The following ADAMTS19 variants were observed in gnomAD, a reference collection of about 807,000 sequenced individuals.
The protein encoded by ADAMTS19 is A disintegrin and metalloproteinase with thrombospondin motifs 19.
Under a neutral mutation model 153.3 loss-of-function variants are expected in ADAMTS19, and 93 were observed. That is an observed-to-expected ratio of 0.61 (90% confidence interval 0.51 to 0.72). ADAMTS19 has a LOEUF of 0.72. Ranked by LOEUF, ADAMTS19 falls within the 30% of genes least tolerant of loss-of-function variation. The pLI is 0.00. For synonymous variants in ADAMTS19, 600 were observed against 556.6 expected (o/e 1.08, Z -1.10); for missense variants, 1,482 against 1,552.1 (o/e 0.95, Z 0.76).
chr5:129,653,165 C>T (rs1305240049), intron 13 of ADAMTS19, among the ~76,000 whole-genome samples: 1 of 152,138 alleles, frequency 6.6e-6, no homozygotes, highest in Non-Finnish European at 1.5e-5. Context: ...TTTATAGAAT[C>T]CCATCAGCAT....
chr5:129,679,198 A>T (rs796433327), intron 16 of ADAMTS19, among the ~76,000 whole-genome samples: 1 of 152,200 alleles, frequency 6.6e-6, no homozygotes, highest in Non-Finnish European at 1.5e-5. Flanking sequence ...TCTTGTTCAC[A>T]GCAAATCACA....
intron 21 of ADAMTS19, among the ~76,000 whole-genome samples, chr5:129,714,152 G>A (rs1197759197): frequency 6.6e-6 from 1 of 152,120 alleles, no homozygotes; most frequent in Non-Finnish European, 1.5e-5. Context: ...GGGCGCGGTG[G>A]CTCACGCCTG....
chr5:129,646,569 ACT>A (rs1270514938), intron 11 of ADAMTS19, among the ~76,000 whole-genome samples: 2 of 152,124 alleles, frequency 1.3e-5, no homozygotes, highest in African/African-American at 2.4e-5. Flanking sequence ...GATACTTATA[ACT>A]CTATTATTAT....
intron 2 of ADAMTS19, among the ~76,000 whole-genome samples, chr5:129,503,062 T>G (rs141191362): frequency 2.6e-3 from 390 of 152,326 alleles, no homozygotes; most frequent in African/African-American, 9.1e-3. Flanking sequence ...TATGCCAAGA[T>G]GTAATCATGC....
At chr5:129,673,678 T>C (rs1754413509) in intron 16 of ADAMTS19, among the ~76,000 whole-genome samples, 1 of 152,204 alleles carries the variant, frequency 6.6e-6, no homozygotes, top group South Asian at 2.1e-4. Flanking sequence ...ATATTCTTAC[T>C]GATACTCATC....
At chr5:129,579,504 GC>G (rs1749398789) in intron 7 of ADAMTS19, among the ~76,000 whole-genome samples, 1 of 152,096 alleles carries the variant, frequency 6.6e-6, no homozygotes, top group Non-Finnish European at 1.5e-5. Flanking sequence ...TAGTCATGAA[GC>G]CTTTGCCCAT....
chr5:129,538,948 C>T (rs1214602813), intron 6 of ADAMTS19, among the ~76,000 whole-genome samples: 4 of 152,130 alleles, frequency 2.6e-5, no homozygotes, highest in Non-Finnish European at 2.9e-5. Flanking sequence ...CTTTTACCAA[C>T]TTCTACTCTG....
intron 16 of ADAMTS19, among the ~76,000 whole-genome samples, chr5:129,674,189 C>T (rs1161606270): frequency 6.6e-6 from 1 of 151,828 alleles, no homozygotes; most frequent in Non-Finnish European, 1.5e-5. Context: ...TGAGATCACA[C>T]TATTGCACTC....
intron 7 of ADAMTS19, among the ~76,000 whole-genome samples, chr5:129,582,675 C>CCT (rs1554095752): frequency 2.8e-4 from 42 of 152,038 alleles, no homozygotes; most frequent in Non-Finnish European, 4.9e-4. Flanking sequence ...CAGGTTCATG[C>CCT]CATTCTCCTG....
chr5:129,678,698 AATTT>A (rs1046088622), intron 16 of ADAMTS19, among the ~76,000 whole-genome samples: 2 of 152,150 alleles, frequency 1.3e-5, no homozygotes, highest in Non-Finnish European at 2.9e-5. Context: ...TTAAATGTTC[AATTT>A]ATTTATTATT....
chr5:129,647,360 G>A (rs898513708), intron 11 of ADAMTS19, among the ~76,000 whole-genome samples: 1 of 152,078 alleles, frequency 6.6e-6, no homozygotes, highest in Non-Finnish European at 1.5e-5. Flanking sequence ...TTTGACGTAG[G>A]ACATTTATTT....
intron 18 of ADAMTS19, 122 bp downstream of exon 18, chr5:129,684,395 T>C (rs1276996108): frequency 3.9e-6 from 5 of 1,295,930 alleles, no homozygotes; most frequent in Middle Eastern, 2.6e-4. Flanking sequence ...GAGTTAGAAA[T>C]GGAAAGTTTT....
At chr5:129,694,281 T>A (rs1004680960) in intron 18 of ADAMTS19, among the ~76,000 whole-genome samples, 9 of 152,166 alleles carry the variant, frequency 5.9e-5, no homozygotes, top group African/African-American at 2.2e-4. Context: ...GTTCTAAAAT[T>A]TGTTTAAAAT....
intron 11 of ADAMTS19, among the ~76,000 whole-genome samples, chr5:129,647,342 A>G (rs890026848): frequency 1.3e-5 from 2 of 152,126 alleles, no homozygotes; most frequent in African/African-American, 4.8e-5. Context: ...TTTGCTAAAA[A>G]TGTCTGCTTT....
In ADAMTS19 at chr5:129,681,203, C is replaced by G. The variant is rs115329301; in HGVS notation, c.2664+1282C>G. Reference sequence around the variant, plus strand: ...ACTACTTTAGTGTGCCTGCAGATTACCTGGGGTTCTTACTAAAATGCATAG... The same window carrying G: ...ACTACTTTAGTGTGCCTGCAGATTAGCTGGGGTTCTTACTAAAATGCATAG... On this transcript the variant is annotated intron_variant, in intron 17 of 22. Transcript: ENST00000274487. 4.1e-3 allele frequency among the ~76,000 whole-genome samples: 630 copies of G among 152,234 alleles called. 5 individuals are homozygous for G. The highest frequency in any genetic ancestry group is 0.015 in the African/African-American group (607 of 41,530).
intron 21 of ADAMTS19, among the ~76,000 whole-genome samples, chr5:129,719,181 G>A (rs1756865422): frequency 6.6e-6 from 1 of 151,888 alleles, no homozygotes; most frequent in African/African-American, 2.4e-5. Context: ...TTTTACTGTT[G>A]TGTTTTCTGC....
intron 10 of ADAMTS19, among the ~76,000 whole-genome samples, chr5:129,625,060 T>G (rs748023137): frequency 6.6e-6 from 1 of 151,884 alleles, no homozygotes; most frequent in Non-Finnish European, 1.5e-5. Context: ...ATTGTTCAAT[T>G]TCGACCTATG....
At chr5:129,613,744 G>GT (rs1751355259) in intron 8 of ADAMTS19, among the ~76,000 whole-genome samples, 1 of 152,144 alleles carries the variant, frequency 6.6e-6, no homozygotes, top group African/African-American at 2.4e-5. Context: ...AGTGAATCCA[G>GT]GAGCTGGTTT....
At chr5:129,592,319 C>T (rs1170879803) in intron 7 of ADAMTS19, among the ~76,000 whole-genome samples, 1 of 139,544 alleles carries the variant, frequency 7.2e-6, no homozygotes, top group Non-Finnish European at 1.5e-5. Flanking sequence ...GCGGAGGTTG[C>T]AGTGAGCCGA....
Sources: allele counts gnomAD v4.1 joint callset (sites outside exome capture counted in the v4.1 genomes callset), GRCh38; gene constraint gnomAD v4.1.1; transcripts MANE v1.5; gene names NCBI Gene and HGNC (gene_info 2026-07-23, HGNC 2026-07-21).